The following RAPGEF5 variants were observed in gnomAD, a reference collection of about 807,000 sequenced individuals.
RAPGEF5 encodes Rap guanine nucleotide exchange factor 5.
RAPGEF5 carries 65 observed loss-of-function variants against 125.2 expected under a neutral mutation model. That is an observed-to-expected ratio of 0.52 (90% CI 0.43 to 0.64). RAPGEF5 has a LOEUF of 0.64. RAPGEF5 is among the 30% of genes least tolerant of loss of function. The pLI, the probability that RAPGEF5 is intolerant of heterozygous loss-of-function variation, is 0.00. For missense variants in RAPGEF5, 958 were observed against 1,048.1 expected, an observed-to-expected ratio of 0.91 and a Z score of 1.19; for synonymous variants, 391 against 385.9, an observed-to-expected ratio of 1.01 and a Z score of -0.16.
intron 7 of RAPGEF5, among the ~76,000 whole-genome samples, chr7:22,238,462 C>T (rs1480670364): frequency 6.6e-6 from 1 of 152,198 alleles, no homozygotes; most frequent in African/African-American, 2.4e-5. Flanking sequence ...GACCCAGCAA[C>T]ACCCCATGCG....
chr7:22,237,068 A>G (rs1261509083), intron 7 of RAPGEF5, among the ~76,000 whole-genome samples: 2 of 124,148 alleles, frequency 1.6e-5, no homozygotes, highest in Non-Finnish European at 3.6e-5. Context: ...TGCCTTCACC[A>G]GGTGAAATTA....
chr7:22,204,618 A>G (rs772327745), intron 9 of RAPGEF5, among the ~76,000 whole-genome samples: 3 of 152,236 alleles, frequency 2.0e-5, no homozygotes, highest in Non-Finnish European at 2.9e-5. Context: ...AAGCATCTTA[A>G]GTAAACACTC....
chr7:22,135,442 T>C (rs924615081), intron 23 of RAPGEF5, among the ~76,000 whole-genome samples: 4 of 152,214 alleles, frequency 2.6e-5, no homozygotes, highest in Non-Finnish European at 5.9e-5. Context: ...TCAATAAATT[T>C]AACTAACATG....
At chr7:22,139,700 C>T (rs1208470170) in intron 21 of RAPGEF5, 1 of 205,032 alleles carries the variant, frequency 4.9e-6, no homozygotes, top group African/African-American at 2.3e-5. Context: ...GGCCTCGAAG[C>T]TTAAACTCAT....
chr7:22,128,874 C>A (rs996803179), intron 24 of RAPGEF5, among the ~76,000 whole-genome samples: 8 of 152,294 alleles, frequency 5.3e-5, no homozygotes, highest in African/African-American at 1.9e-4. Context: ...TATAATTTCT[C>A]TTTAGGAATT....
intron 9 of RAPGEF5, among the ~76,000 whole-genome samples, chr7:22,213,142 G>A (rs898846418): frequency 6.6e-6 from 1 of 152,078 alleles, no homozygotes. Flanking sequence ...CTTCAAAACC[G>A]CTCAAACTAA....
At chr7:22,257,828 A>G (rs1236466273) in intron 7 of RAPGEF5, among the ~76,000 whole-genome samples, 1 of 152,192 alleles carries the variant, frequency 6.6e-6, no homozygotes, top group Non-Finnish European at 1.5e-5. Flanking sequence ...TCCTAATACA[A>G]TCTTCTTCAT....
At chr7:22,175,767 C>G (rs1448864573) in intron 11 of RAPGEF5, among the ~76,000 whole-genome samples, 1 of 152,068 alleles carries the variant, frequency 6.6e-6, no homozygotes, top group Non-Finnish European at 1.5e-5. Flanking sequence ...AAATTAGAAG[C>G]CTGAGATATG....
intron 1 of RAPGEF5, among the ~76,000 whole-genome samples, chr7:22,340,330 A>G (rs1784101908): frequency 6.6e-6 from 1 of 152,242 alleles, no homozygotes; most frequent in South Asian, 2.1e-4. Context: ...ACAAAGCCAA[A>G]GGAAACCTAA....
intron 7 of RAPGEF5, among the ~76,000 whole-genome samples, chr7:22,247,607 C>T (rs1415304924): frequency 6.6e-6 from 1 of 152,116 alleles, no homozygotes; most frequent in Admixed American, 6.6e-5. Flanking sequence ...ACTGTGAGTC[C>T]TCCCCATTCA....
chr7:22,336,464 G>A (rs1288838842), intron 1 of RAPGEF5, among the ~76,000 whole-genome samples: 4 of 152,158 alleles, frequency 2.6e-5, no homozygotes, highest in Non-Finnish European at 5.9e-5. Flanking sequence ...CTGAACTTAA[G>A]CAAAATAAAG....
At chr7:22,256,224 C>T (rs954175136) in intron 7 of RAPGEF5, among the ~76,000 whole-genome samples, 4 of 152,200 alleles carry the variant, frequency 2.6e-5, no homozygotes, top group Admixed American at 2.6e-4. Flanking sequence ...TTGGGGCTAT[C>T]AGGACAATCC....
At chr7:22,297,264 A>G (rs932517517) in intron 5 of RAPGEF5, among the ~76,000 whole-genome samples, 1 of 152,234 alleles carries the variant, frequency 6.6e-6, no homozygotes, top group Non-Finnish European at 1.5e-5. Flanking sequence ...TCAGTGCACA[A>G]TGTGAGGAAA....
chr7:22,128,966 T>C (rs967679656), intron 24 of RAPGEF5, among the ~76,000 whole-genome samples: 1 of 152,222 alleles, frequency 6.6e-6, no homozygotes, highest in African/African-American at 2.4e-5. Context: ...ATAGAAGTCA[T>C]ATCATTTAGA....
intron 1 of RAPGEF5, among the ~76,000 whole-genome samples, chr7:22,323,100 G>A (rs889402351): frequency 6.6e-6 from 1 of 152,240 alleles, no homozygotes; most frequent in African/African-American, 2.4e-5. Context: ...ACCTGCTCAT[G>A]TTGTATGTGT....
At chr7:22,306,280 T>C (rs1057294284) in intron 5 of RAPGEF5, among the ~76,000 whole-genome samples, 1 of 152,222 alleles carries the variant, frequency 6.6e-6, no homozygotes, top group Non-Finnish European at 1.5e-5. Flanking sequence ...GGTGAAATGA[T>C]ATCTCACTGT....
At chr7:22,168,329 G>C (rs565952488) in intron 11 of RAPGEF5, among the ~76,000 whole-genome samples, 3 of 152,272 alleles carry the variant, frequency 2.0e-5, no homozygotes, top group South Asian at 2.1e-4. Context: ...AGGAGACTGT[G>C]GCCTATGAAC....
At chr7:22,344,874 A>T (rs1271697717) in intron 1 of RAPGEF5, among the ~76,000 whole-genome samples, 1 of 152,232 alleles carries the variant, frequency 6.6e-6, no homozygotes, top group Non-Finnish European at 1.5e-5. Flanking sequence ...TCTGGCCTTC[A>T]TCACGGAGGT....
At chr7:22,151,458 CTTTT>C (rs10609080) in intron 17 of RAPGEF5, among the ~76,000 whole-genome samples, 1 of 109,918 alleles carries the variant, frequency 9.1e-6, no homozygotes. Context: ...CTGATCATTA[CTTTT>C]TTTTTTTTTT....
Sources: allele counts gnomAD v4.1 joint callset (sites outside exome capture counted in the v4.1 genomes callset), GRCh38; gene constraint gnomAD v4.1.1; transcripts MANE v1.5; gene names NCBI Gene and HGNC (gene_info 2026-07-23, HGNC 2026-07-21).